The following PDE4D variants were observed in gnomAD, a reference collection of about 807,000 sequenced individuals.
PDE4D encodes phosphodiesterase 4D.
In PDE4D, 24 loss-of-function variants were observed where a neutral mutation model predicts 87.4. The observed-to-expected ratio is 0.27, with a 90% CI of 0.20 to 0.39. The LOEUF (loss-of-function observed/expected upper bound fraction) is 0.39, where lower values mean the gene tolerates loss of function less well. PDE4D is among the 10% of genes least tolerant of loss of function. PDE4D has a pLI of 1.00. For synonymous variants in PDE4D, 384 were observed against 383.2 expected (o/e 1.00, Z -0.02); for missense variants, 714 against 1,041.0 (o/e 0.69, Z 4.32).
At chr5:59,369,105 C>T (rs192297082) in intron 1 of PDE4D, among the ~76,000 whole-genome samples, 6 of 152,196 alleles carry the variant, frequency 3.9e-5, no homozygotes, top group Admixed American at 3.9e-4. Flanking sequence ...GTCATCACTT[C>T]TCAATCTACT....
intron 1 of PDE4D, among the ~76,000 whole-genome samples, chr5:59,683,859 A>G (rs1749433189): frequency 1.3e-5 from 2 of 152,128 alleles, no homozygotes; most frequent in Non-Finnish European, 2.9e-5. Flanking sequence ...ATATACATCA[A>G]TATTTTTGTC....
chr5:60,002,272 TA>T (rs199501666), intron 2 of PDE4D, among the ~76,000 whole-genome samples: 91 of 144,990 alleles, frequency 6.3e-4, no homozygotes, highest in African/African-American at 1.7e-3. Context: ...AATCCATAAT[TA>T]AAAAAAAAAA....
chr5:60,237,770 G>A (rs759868430), intron 1 of PDE4D, among the ~76,000 whole-genome samples: 9 of 151,988 alleles, frequency 5.9e-5, no homozygotes, highest in Non-Finnish European at 1.2e-4. Context: ...TGAGATCAAT[G>A]TCAAATTCAT....
chr5:59,808,135 A>C (rs1767949815), intron 1 of PDE4D, among the ~76,000 whole-genome samples: 1 of 152,224 alleles, frequency 6.6e-6, no homozygotes, highest in Admixed American at 6.5e-5. Flanking sequence ...GGCATGTGCC[A>C]AACCCAGCTC....
intron 5 of PDE4D, among the ~76,000 whole-genome samples, chr5:59,041,434 A>G (rs1759669540): frequency 6.6e-6 from 1 of 152,166 alleles, no homozygotes; most frequent in African/African-American, 2.4e-5. Context: ...CATCTACTAT[A>G]TGGTTTGGTT....
intron 5 of PDE4D, among the ~76,000 whole-genome samples, chr5:59,119,743 T>C (rs1015146190): frequency 2.0e-5 from 3 of 152,240 alleles, no homozygotes; most frequent in African/African-American, 4.8e-5. Flanking sequence ...AAACATTCTA[T>C]GATCCATTTC....
chr5:60,195,318 A>C (rs1741084920), intron 1 of PDE4D, among the ~76,000 whole-genome samples: 1 of 151,666 alleles, frequency 6.6e-6, no homozygotes. Context: ...GTCACTGCCA[A>C]CCTTGCCCTG....
At chr5:59,519,888 GT>G (rs1436932002) in intron 1 of PDE4D, among the ~76,000 whole-genome samples, 1 of 144,674 alleles carries the variant, frequency 6.9e-6, no homozygotes, top group Non-Finnish European at 1.5e-5. Context: ...GTTGGGCAAA[GT>G]GTATCCACCA....
At chr5:59,614,905 C>T (rs2150083565) in intron 1 of PDE4D, among the ~76,000 whole-genome samples, 1 of 150,948 alleles carries the variant, frequency 6.6e-6, no homozygotes, top group Non-Finnish European at 1.5e-5. Flanking sequence ...AGTCTCGGTT[C>T]TGCAACCTCC....
chr5:60,470,790 A>G (rs1307701220), intron 1 of PDE4D, among the ~76,000 whole-genome samples: 1 of 152,208 alleles, frequency 6.6e-6, no homozygotes, highest in Non-Finnish European at 1.5e-5. Context: ...TCCAAAAAAA[A>G]AAGATTCCTT....
chr5:59,941,235 T>C (rs1757146765), intron 3 of PDE4D, among the ~76,000 whole-genome samples: 1 of 151,910 alleles, frequency 6.6e-6, no homozygotes, highest in African/African-American at 2.4e-5. Flanking sequence ...GGCATGAGAG[T>C]GATGTTCGTG....
chr5:60,169,153 G>A (rs537103519), intron 2 of PDE4D, among the ~76,000 whole-genome samples: 3 of 152,192 alleles, frequency 2.0e-5, no homozygotes, highest in Admixed American at 1.3e-4. Flanking sequence ...TATCCCTGAA[G>A]CATCTAGGAC....
chr5:59,999,261 T>C (rs1272006949), intron 2 of PDE4D, among the ~76,000 whole-genome samples: 2 of 152,138 alleles, frequency 1.3e-5, no homozygotes, highest in African/African-American at 4.8e-5. Flanking sequence ...GTATGTCCAA[T>C]GTTCTGGTTT....
At chr5:59,571,801 AGTTTTT>A (rs1334653628) in intron 1 of PDE4D, among the ~76,000 whole-genome samples, 1 of 152,100 alleles carries the variant, frequency 6.6e-6, no homozygotes, top group East Asian at 1.9e-4. Context: ...GCTGTTTATC[AGTTTTT>A]GTTTTTGTTG....
chr5:59,168,503 CT>C (rs1210820968), intron 5 of PDE4D, among the ~76,000 whole-genome samples: 1 of 152,168 alleles, frequency 6.6e-6, no homozygotes, highest in Admixed American at 6.5e-5. Context: ...CCTATACCCC[CT>C]GGCAGGAATC....
chr5:59,423,452 T>C (rs143649224), intron 1 of PDE4D, among the ~76,000 whole-genome samples: 52 of 152,282 alleles, frequency 3.4e-4, no homozygotes, highest in African/African-American at 1.2e-3. Context: ...CAGCATTCCA[T>C]TGCCAAATTT....
chr5:59,528,780 T>C (rs762185507), intron 1 of PDE4D: 7 of 193,716 alleles, frequency 3.6e-5, no homozygotes, highest in Non-Finnish European at 6.4e-5. Context: ...ATAGAAAACA[T>C]AGGGAACAGA....
chr5:59,153,487 A>G (rs1401846077), intron 5 of PDE4D, among the ~76,000 whole-genome samples: 15 of 152,214 alleles, frequency 9.9e-5, no homozygotes, highest in Non-Finnish European at 2.1e-4. Context: ...CCCTTCTGCC[A>G]AAGGGATTAA....
intron 1 of PDE4D, among the ~76,000 whole-genome samples, chr5:59,379,508 A>T (rs1471894618): frequency 1.3e-5 from 2 of 151,822 alleles, no homozygotes; most frequent in South Asian, 4.2e-4. Flanking sequence ...TACGCATCTA[A>T]TTTTAACATT....
Sources: gnomAD v4.1 joint callset for allele counts (sites outside exome capture counted in the v4.1 genomes callset) on GRCh38, gnomAD v4.1.1 for gene constraint, MANE v1.5 for transcripts, NCBI Gene and HGNC (gene_info 2026-07-23, HGNC 2026-07-21) for gene names.